The following RBPJ variants were observed in gnomAD, a reference collection of about 807,000 sequenced individuals.
RBPJ encodes recombination signal binding protein for immunoglobulin kappa J region.
A neutral mutation model predicts 67.8 loss-of-function variants in RBPJ; 9 were observed. The observed-to-expected ratio is 0.13, with a 90% CI of 0.08 to 0.23. RBPJ has a LOEUF of 0.23. RBPJ is among the 10% of genes least tolerant of loss of function. The pLI is 1.00. For missense variants in RBPJ, 305 were observed against 595.6 expected, an observed-to-expected ratio of 0.51 and a Z score of 5.08; for synonymous variants, 198 against 203.3, an observed-to-expected ratio of 0.97 and a Z score of 0.22.
At chr4:26,301,390 A>G (rs919819213) in intron 1 of RBPJ, among the ~76,000 whole-genome samples, 7 of 152,118 alleles carry the variant, frequency 4.6e-5, no homozygotes, top group Admixed American at 3.9e-4. Context: ...CAGGAGATCG[A>G]GACCATCTTG....
the RBPJ span, among the ~76,000 whole-genome samples, chr4:26,109,658 CTCTCTCTCTCTA>C: frequency 9.0e-5 from 8 of 88,802 alleles, 2 homozygotes; most frequent in Non-Finnish European, 1.1e-4. Flanking sequence ...CTCTCTCTCT[CTCTCTCTCTCTA>C]TATATATATA....
chr4:26,398,713 A>G (rs1432483645), intron 2 of RBPJ, among the ~76,000 whole-genome samples: 3 of 152,132 alleles, frequency 2.0e-5, no homozygotes, highest in Non-Finnish European at 4.4e-5. Context: ...TTCCACGTTC[A>G]AGTGCTTCTT....
chr4:26,306,325 G>A (rs1722237379), intron 1 of RBPJ, among the ~76,000 whole-genome samples: 1 of 152,022 alleles, frequency 6.6e-6, no homozygotes, highest in African/African-American at 2.4e-5. Flanking sequence ...ATCAGGTTGA[G>A]AAAGTTCCCT....
chr4:26,258,480 C>T (rs1720418776), intron 1 of RBPJ, among the ~76,000 whole-genome samples: 1 of 152,210 alleles, frequency 6.6e-6, no homozygotes, highest in African/African-American at 2.4e-5. Flanking sequence ...AGATGGCTGC[C>T]TTTTCCACTC....
intron 3 of RBPJ, among the ~76,000 whole-genome samples, chr4:26,412,538 A>G (rs1274556275): frequency 6.6e-6 from 1 of 152,178 alleles, no homozygotes; most frequent in Non-Finnish European, 1.5e-5. Context: ...AGCCTGGAGC[A>G]TTTTAGATTT....
At chr4:26,127,868 AT>A in the RBPJ span, among the ~76,000 whole-genome samples, 4 of 152,214 alleles carry the variant, frequency 2.6e-5, no homozygotes, top group Admixed American at 1.3e-4. Context: ...TCTTAACCAG[AT>A]GCCTGAGAGG....
the RBPJ span, among the ~76,000 whole-genome samples, chr4:26,148,182 A>G: frequency 6.6e-6 from 1 of 152,208 alleles, no homozygotes; most frequent in Non-Finnish European, 1.5e-5. Flanking sequence ...CTAGATTTTC[A>G]CTTAAGCAAC....
intron 1 of RBPJ, among the ~76,000 whole-genome samples, chr4:26,300,370 A>G (rs1722035605): frequency 6.6e-6 from 1 of 152,214 alleles, no homozygotes. Flanking sequence ...GACTTTAACT[A>G]AAGGAAGGAA....
intron 1 of RBPJ, among the ~76,000 whole-genome samples, chr4:26,377,478 A>G (rs770754788): frequency 6.6e-6 from 1 of 152,256 alleles, no homozygotes; most frequent in African/African-American, 2.4e-5. Flanking sequence ...AGACAAAATC[A>G]TCAGGGAACT....
At position 26,286,515 on chromosome 4, in the gene RBPJ, T is replaced by C. The variant is rs144594919; in HGVS notation, c.-166-75931T>C. Among the ~76,000 whole-genome samples the C allele has an allele frequency of 2.0e-5, 3 of 150,434 alleles. No individual in the cohort carries two copies. The East Asian group carries it at 5.8e-4, about 29-fold the overall frequency. On this transcript the variant is annotated intron_variant, in intron 1 of 4. Transcript: ENST00000512351. ...AAAAAGAGACAAACAAAATAATTCA[T>C]GTACTTTAAGCTCTTGGCTTAAAGC...
intron 1 of RBPJ, among the ~76,000 whole-genome samples, chr4:26,258,505 G>A (rs1231811436): frequency 6.6e-6 from 1 of 152,178 alleles, no homozygotes; most frequent in Non-Finnish European, 1.5e-5. Context: ...TTCCCCTGGG[G>A]GAAGCAGGGA....
rs367644035 is a variant in RBPJ at position 26,415,787 on chromosome 4, C to T, written c.321+147C>T. On this transcript the variant is annotated intron_variant, in intron 4 of 10. Transcript: ENST00000355476. ...TATAAACTAGGACCAAAAAACATGCCTCTCATAGCTTTGGTCTAGTCACTC... is the reference window on the plus strand; with the variant it reads ...TATAAACTAGGACCAAAAAACATGCTTCTCATAGCTTTGGTCTAGTCACTC... 1,255 of 733,680 alleles carry T rather than the reference C, an allele frequency of 1.7e-3. 11 individuals carry two copies. In the African/African-American group the frequency reaches 0.02, roughly 12 times the overall value. 45.4% of individuals were successfully genotyped at this position (733,680 alleles called of 1,614,324 possible).
intron 1 of RBPJ, among the ~76,000 whole-genome samples, chr4:26,299,965 G>A (rs1577403690): frequency 6.6e-6 from 1 of 152,068 alleles, no homozygotes; most frequent in South Asian, 2.1e-4. Flanking sequence ...GATTACAGGC[G>A]TGAGCCACCG....
intron 1 of RBPJ, among the ~76,000 whole-genome samples, chr4:26,312,888 C>T (rs987171705): frequency 6.6e-6 from 1 of 152,156 alleles, no homozygotes; most frequent in African/African-American, 2.4e-5. Context: ...TGTTTTAATT[C>T]TACTAAGATG....
At chr4:26,135,630 T>G in the RBPJ span, among the ~76,000 whole-genome samples, 1 of 152,172 alleles carries the variant, frequency 6.6e-6, no homozygotes, top group Non-Finnish European at 1.5e-5. Context: ...ACCAATAAAC[T>G]TCCCTCTGTC....
intron 1 of RBPJ, among the ~76,000 whole-genome samples, chr4:26,176,321 C>G (rs531200393): frequency 6.6e-6 from 1 of 152,160 alleles, no homozygotes; most frequent in Non-Finnish European, 1.5e-5. Context: ...AGTGATAGAG[C>G]GGAGACGGGA....
chr4:26,113,072 G>A, the RBPJ span: 3 of 169,018 alleles, frequency 1.8e-5, no homozygotes, highest in African/African-American at 4.8e-5. Context: ...GAATCTTTGT[G>A]AATGCAATGA....
At chr4:26,170,721 G>T (rs1248805114) in intron 1 of RBPJ, among the ~76,000 whole-genome samples, 1 of 152,126 alleles carries the variant, frequency 6.6e-6, no homozygotes, top group Non-Finnish European at 1.5e-5. Context: ...GCGACCTTAA[G>T]AAATAAGATT....
Position 26,213,626 on chromosome 4 carries a change from C to T in RBPJ, c.-167+50012C>T, listed in dbSNP as rs1446473247. ...AGGCGGGGGCTAGATCCAGCATGGC[C>T]CAGGAGGCCATGGAAATGGGTTTGG... On this transcript the variant is annotated intron_variant, in intron 1 of 4. Coordinates refer to the RBPJ transcript ENST00000512351. Among the ~76,000 whole-genome samples, 5 of 152,058 alleles carry T rather than the reference C, an allele frequency of 3.3e-5. No homozygotes were observed. The South Asian group carries it at 8.3e-4, about 25-fold the overall frequency.
Sources: gnomAD v4.1 joint callset for allele counts (sites outside exome capture counted in the v4.1 genomes callset) on GRCh38, gnomAD v4.1.1 for gene constraint, MANE v1.5 for transcripts, NCBI Gene and HGNC (gene_info 2026-07-23, HGNC 2026-07-21) for gene names.